GABPB1: variants seen among roughly 807,000 people sequenced by gnomAD.
GABPB1 encodes the protein GA-binding protein subunit beta-1.
GABPB1 carries 15 observed loss-of-function variants against 45.9 expected under a neutral mutation model. The observed-to-expected ratio is 0.33, with a 90% CI of 0.22 to 0.50. The LOEUF (loss-of-function observed/expected upper bound fraction) is 0.50. Ranked by LOEUF, GABPB1 falls within the 20% of genes least tolerant of loss-of-function variation. GABPB1 has a pLI of 0.98. For synonymous variants in GABPB1, 143 were observed against 154.4 expected, an observed-to-expected ratio of 0.93 and a Z score of 0.55; for missense variants, 252 against 457.5, an observed-to-expected ratio of 0.55 and a Z score of 4.10.
intron 1 of GABPB1, among the ~76,000 whole-genome samples, chr15:50,319,557 G>T (rs1362172422): frequency 6.6e-6 from 1 of 152,130 alleles, no homozygotes; most frequent in Non-Finnish European, 1.5e-5. Flanking sequence ...AAATTACAGG[G>T]CTGGGCACAG....
chr15:50,353,993 C>T, intron 1 of GABPB1: 1 of 180,576 alleles, frequency 5.5e-6, no homozygotes, highest in Non-Finnish European at 1.2e-5. Flanking sequence ...GTCCGCTCGC[C>T]ACAGTCCAAT....
chr15:50,328,035 A>G (rs1486943948), intron 1 of GABPB1, among the ~76,000 whole-genome samples: 1 of 152,116 alleles, frequency 6.6e-6, no homozygotes, highest in Non-Finnish European at 1.5e-5. Context: ...GAAAAAAAAA[A>G]GAAATTCCAA....
chr15:50,317,785 T>C (rs1295320101), intron 1 of GABPB1, among the ~76,000 whole-genome samples: 2 of 151,902 alleles, frequency 1.3e-5, no homozygotes, highest in Non-Finnish European at 2.9e-5. Context: ...GATGGGTGCC[T>C]GCAGTCCCAG....
At chr15:50,337,069 G>A (rs62022600) in intron 1 of GABPB1, among the ~76,000 whole-genome samples, 2 of 11,098 alleles carry the variant, frequency 1.8e-4, no homozygotes, top group Non-Finnish European at 2.7e-4. Context: ...ACATGTATAT[G>A]TGTGTGTATA....
intron 6 of GABPB1, 46 bp from the exon 7 acceptor site, chr15:50,289,714 G>A: frequency 1.4e-6 from 2 of 1,436,830 alleles, no homozygotes; most frequent in Non-Finnish European, 1.9e-6. Context: ...GTAACGGTAT[G>A]AATAGAAACC....
chr15:50,282,433 G>C (rs542369740), intron 8 of GABPB1: 3 of 352,074 alleles, frequency 8.5e-6, no homozygotes, highest in African/African-American at 6.7e-5. Flanking sequence ...CGGGTATAGC[G>C]GTCCCAGCTG....
intron 1 of GABPB1, among the ~76,000 whole-genome samples, chr15:50,314,185 T>TA (rs2047228345): frequency 8.7e-6 from 1 of 115,146 alleles, no homozygotes; most frequent in Non-Finnish European, 2.1e-5. Flanking sequence ...ATTTATTTAT[T>TA]TATTTATTTA....
At chr15:50,351,901 A>G (rs2048847188) in intron 1 of GABPB1, 1 of 152,270 alleles carries the variant, frequency 6.6e-6, no homozygotes, top group Admixed American at 6.5e-5. Flanking sequence ...CAATGTAGGC[A>G]CATCAGAGCT....
intron 8 of GABPB1, among the ~76,000 whole-genome samples, chr15:50,282,872 C>G (rs1010891559): frequency 2.6e-5 from 4 of 151,966 alleles, no homozygotes; most frequent in South Asian, 2.1e-4. Context: ...CTGGCCAACC[C>G]GGTAAAACCC....
At chr15:50,293,964 T>C (rs1461315273) in intron 6 of GABPB1, among the ~76,000 whole-genome samples, 2 of 152,142 alleles carry the variant, frequency 1.3e-5, no homozygotes, top group African/African-American at 4.8e-5. Flanking sequence ...TTTTAAAAAA[T>C]AGATTTATAT....
chr15:50,283,519 G>GTT (rs926235933), intron 8 of GABPB1, among the ~76,000 whole-genome samples: 3 of 124,916 alleles, frequency 2.4e-5, no homozygotes, highest in Non-Finnish European at 4.6e-5. Context: ...GCACCTTATT[G>GTT]TTTTTTTTTT....
chr15:50,288,592 T>C (rs892816164), intron 7 of GABPB1, among the ~76,000 whole-genome samples: 3 of 152,152 alleles, frequency 2.0e-5, no homozygotes, highest in Admixed American at 2.0e-4. Flanking sequence ...CAGTGTGGAT[T>C]TCTATGAGAG....
chr15:50,353,853 TAAA>T (rs1184428918), intron 1 of GABPB1: 3 of 153,194 alleles, frequency 2.0e-5, no homozygotes, highest in Non-Finnish European at 4.4e-5. Flanking sequence ...TTTTTCTAGA[TAAA>T]AAACGTACTT....
intron 5 of GABPB1, 138 bp downstream of exon 5, chr15:50,301,119 C>T: frequency 8.2e-7 from 1 of 1,223,152 alleles, no homozygotes. Context: ...ACAAAGGTGG[C>T]TGATAGAATC....
rs959014828 is a variant in GABPB1, at chr15:50,355,198, C to G, written c.-214G>C. 2 of 152,906 alleles carry G rather than the reference C, an allele frequency of 1.3e-5. No homozygotes were observed. Among genetic ancestry groups the G allele is most frequent in the African/African-American group, 2.4e-5 (1 of 41,460 alleles). The allele number at this position is 152,906 out of a possible 1,614,324, so 9.5% of individuals were successfully genotyped here. ...TGCGCGCGGAGGGACACATGGTGTG[C>G]GAGTGAGTCAAGCTCCCAGCATCCC... On this transcript the variant is annotated 5_prime_UTR_variant, in exon 1 of 9. Coordinates refer to ENST00000380877, the MANE Select transcript of GABPB1 (RefSeq NM_016654.5).
chr15:50,340,554 A>C (rs1595838117), intron 1 of GABPB1, among the ~76,000 whole-genome samples: 1 of 41,388 alleles, frequency 2.4e-5, no homozygotes. Context: ...CACCAAAAAA[A>C]AAAAAAAAAA....
At chr15:50,353,184 A>G (rs1243909311) in intron 1 of GABPB1, 5 of 152,214 alleles carry the variant, frequency 3.3e-5, no homozygotes, top group African/African-American at 4.8e-5. Flanking sequence ...AATGTTCCTG[A>G]GTCTCCGAGA....
At chr15:50,289,705 T>A (rs749229345) in intron 6 of GABPB1, 37 bp from the exon 7 acceptor site, 2 of 1,512,110 alleles carry the variant, frequency 1.3e-6, no homozygotes, top group Admixed American at 2.0e-5. Context: ...CAAACATATG[T>A]AACGGTATGA....
At chr15:50,344,027 G>C (rs1199159266) in intron 1 of GABPB1, among the ~76,000 whole-genome samples, 1 of 152,148 alleles carries the variant, frequency 6.6e-6, no homozygotes, top group Non-Finnish European at 1.5e-5. Context: ...TCAGCTCCAA[G>C]AAAACGGGAC....
Sources: gnomAD v4.1 joint callset for allele counts (sites outside exome capture counted in the v4.1 genomes callset) on GRCh38, gnomAD v4.1.1 for gene constraint, MANE v1.5 for transcripts, NCBI Gene and HGNC (gene_info 2026-07-23, HGNC 2026-07-21) for gene names.